Variants in KLF15 observed in about 807,000 individuals in gnomAD.
The protein encoded by KLF15 is KLF transcription factor 15.
KLF15 carries 4 observed loss-of-function variants against 24.6 expected under a neutral mutation model. The ratio of observed to expected loss-of-function variants is 0.16; its 90% CI spans 0.08 to 0.37. KLF15 has a LOEUF of 0.37. Ranked by LOEUF, KLF15 falls within the 10% of genes least tolerant of loss-of-function variation. KLF15 has a pLI of 1.00. For synonymous variants in KLF15, 246 were observed against 236.3 expected (o/e 1.04, Z -0.37); for missense variants, 496 against 560.6 (o/e 0.88, Z 1.16).
chr3:126,317,062 C>T, the KLF15 span, among the ~76,000 whole-genome samples: 1 of 152,142 alleles, frequency 6.6e-6, no homozygotes, highest in Non-Finnish European at 1.5e-5. Flanking sequence ...CATCCATTCT[C>T]CTTCTCTGGG....
At chr3:126,339,947 CAG>C (rs921470828), downstream of KLF15, among the ~76,000 whole-genome samples, 25 of 152,198 alleles carry the variant, frequency 1.6e-4, no homozygotes, top group African/African-American at 5.1e-4. Flanking sequence ...TCTGTTCCCA[CAG>C]AGTTTCCCTT....
chr3:126,346,993 G>A (rs770797948), intron 2 of KLF15, among the ~76,000 whole-genome samples: 29 of 152,188 alleles, frequency 1.9e-4, no homozygotes, highest in Non-Finnish European at 3.5e-4. Context: ...TGCTTAGCAC[G>A]TGGCAATTAT....
At chr3:126,309,640 A>T in the KLF15 span, among the ~76,000 whole-genome samples, 1 of 152,382 alleles carries the variant, frequency 6.6e-6, no homozygotes, top group African/African-American at 2.4e-5. Flanking sequence ...AGCACTGCTC[A>T]TCCTGACCTT....
At chr3:126,332,141 G>T in the KLF15 span, among the ~76,000 whole-genome samples, 1 of 152,220 alleles carries the variant, frequency 6.6e-6, no homozygotes, top group African/African-American at 2.4e-5. Context: ...CAAAAAGACA[G>T]CAGTAACCTC....
the KLF15 span, among the ~76,000 whole-genome samples, chr3:126,320,773 A>G: frequency 6.6e-6 from 1 of 151,508 alleles, no homozygotes; most frequent in Admixed American, 6.6e-5. Flanking sequence ...GGCCTTTCCC[A>G]ACTCAGCTGG....
the KLF15 span, among the ~76,000 whole-genome samples, chr3:126,293,087 A>G: frequency 6.7e-6 from 1 of 149,582 alleles, no homozygotes; most frequent in Non-Finnish European, 1.5e-5. Flanking sequence ...AGGTGAGAGG[A>G]TCGCTTAAGC....
the KLF15 span, among the ~76,000 whole-genome samples, chr3:126,331,467 C>A: frequency 2.0e-5 from 3 of 152,182 alleles, no homozygotes; most frequent in Non-Finnish European, 4.4e-5. Context: ...TGTGAATGAA[C>A]CCTGAGAAGA....
chr3:126,289,881 C>T, the KLF15 span, among the ~76,000 whole-genome samples: 5 of 152,128 alleles, frequency 3.3e-5, no homozygotes, highest in Admixed American at 1.3e-4. Context: ...AAGATGATTT[C>T]GAGGGCTTCA....
intron 1 of KLF15, 36 bp from the exon 2 acceptor site, chr3:126,352,983 G>C: frequency 6.5e-7 from 1 of 1,545,122 alleles, no homozygotes; most frequent in Non-Finnish European, 8.7e-7. Flanking sequence ...TGGTCAGAAG[G>C]ACAGTGCTCA....
At chr3:126,308,998 GAA>G in the KLF15 span, among the ~76,000 whole-genome samples, 26 of 152,328 alleles carry the variant, frequency 1.7e-4, no homozygotes, top group Non-Finnish European at 3.5e-4. Flanking sequence ...GGGAGAGAGA[GAA>G]AGGATGTGGC....
the KLF15 span, among the ~76,000 whole-genome samples, chr3:126,326,868 T>C: frequency 6.6e-6 from 1 of 152,258 alleles, no homozygotes; most frequent in Non-Finnish European, 1.5e-5. Flanking sequence ...GAATAACTTA[T>C]AGTTGATTTA....
the KLF15 span, among the ~76,000 whole-genome samples, chr3:126,331,356 A>G: frequency 7.1e-4 from 108 of 152,280 alleles, 2 homozygotes; most frequent in East Asian, 0.019. Flanking sequence ...AACCACTACA[A>G]TTTCAGATTG....
intron 2 of KLF15, among the ~76,000 whole-genome samples, chr3:126,346,278 C>T (rs905821900): frequency 6.6e-6 from 1 of 151,866 alleles, no homozygotes; most frequent in African/African-American, 2.4e-5. Flanking sequence ...AGTGCCACGC[C>T]TCCCAGGCTG....
chr3:126,290,139 AT>A, the KLF15 span, among the ~76,000 whole-genome samples: 20 of 149,384 alleles, frequency 1.3e-4, no homozygotes, highest in African/African-American at 2.2e-4. Context: ...CACTTTCAGC[AT>A]TTTTTTTTTC....
At position 126,356,136 on chromosome 3, in the gene KLF15, T is replaced by C. The variant is rs1173820756; in HGVS notation, c.-26+1101A>G. Among the ~76,000 whole-genome samples, 1 of 152,036 alleles carries C rather than the reference T, an allele frequency of 6.6e-6. No homozygotes were observed. The highest frequency in any genetic ancestry group is 1.5e-5 in the Non-Finnish European group (1 of 67,980). On this transcript the variant is annotated intron_variant, in intron 1 of 2. Coordinates refer to ENST00000296233, the MANE Select transcript of KLF15 (RefSeq NM_014079.4). This position sits in a 1 kb window ranked among gnomAD's most constrained non-coding sequence, Gnocchi z 4.4. ...CCCAGCGCCGGCCAAGGGCTTGCCA[T>C]TGGGTCAGCGTGCAAATCACGGGGG...
At chr3:126,345,603 A>G (rs575869549) in intron 2 of KLF15, among the ~76,000 whole-genome samples, 189 of 151,114 alleles carry the variant, frequency 1.3e-3, no homozygotes, top group African/African-American at 4.2e-3. Flanking sequence ...GTACTCACGC[A>G]CACACACACA....
At chr3:126,354,260 G>A (rs1245800125) in intron 1 of KLF15, 2 of 152,458 alleles carry the variant, frequency 1.3e-5, no homozygotes, top group South Asian at 2.1e-4. Flanking sequence ...TCAGTGACCA[G>A]GGCAGGCTGG....
At chr3:126,349,361 TG>T (rs1208824144) in intron 2 of KLF15, among the ~76,000 whole-genome samples, 1 of 152,150 alleles carries the variant, frequency 6.6e-6, no homozygotes, top group Non-Finnish European at 1.5e-5. Flanking sequence ...GGACAGCTCC[TG>T]GGGGCAGTGC....
the KLF15 span, among the ~76,000 whole-genome samples, chr3:126,302,255 C>T: frequency 6.6e-6 from 1 of 151,942 alleles, no homozygotes; most frequent in Admixed American, 6.6e-5. Context: ...TTTATGTGAC[C>T]TTGGATCCTT....
Sources: gnomAD v4.1 joint callset for allele counts (sites outside exome capture counted in the v4.1 genomes callset) on GRCh38, gnomAD v4.1.1 for gene constraint, Gnocchi (gnomAD v3.1) non-coding constraint, MANE v1.5 for transcripts, NCBI Gene and HGNC (gene_info 2026-07-23, HGNC 2026-07-21) for gene names.